The following WNT11 variants were observed in gnomAD, a reference collection of about 807,000 sequenced individuals.
WNT11 encodes the protein Wnt family member 11.
A neutral mutation model predicts 35.6 loss-of-function variants in WNT11; 20 were observed. The ratio of observed to expected loss-of-function variants is 0.56; its 90% CI spans 0.40 to 0.82. The LOEUF (loss-of-function observed/expected upper bound fraction) is 0.82. Ranked by LOEUF, WNT11 falls within the 40% of genes least tolerant of loss-of-function variation. WNT11 has a pLI of 0.00. For synonymous variants in WNT11, 200 were observed against 211.9 expected (o/e 0.94, Z 0.49); for missense variants, 459 against 504.4 (o/e 0.91, Z 0.86).
intron 1 of WNT11, among the ~76,000 whole-genome samples, chr11:76,204,128 C>CATATAT (rs1388118811): frequency 1.3e-5 from 2 of 152,142 alleles, no homozygotes; most frequent in Non-Finnish European, 2.9e-5. Context: ...TGTGTGTAGA[C>CATATAT]ATATATGTAC....
At chr11:76,195,428 G>A (rs1953266457) in intron 2 of WNT11, among the ~76,000 whole-genome samples, 1 of 152,252 alleles carries the variant, frequency 6.6e-6, no homozygotes, top group South Asian at 2.1e-4. Flanking sequence ...GACAGAGGCA[G>A]AGACCGCAGT....
In WNT11 at chr11:76,194,008, G is replaced by A. The variant is rs1360302060; in HGVS notation, c.597+559C>T. On this transcript the variant is annotated intron_variant, in intron 3 of 4. Transcript: ENST00000322563. This position sits in a 1 kb window ranked among gnomAD's most constrained non-coding sequence, Gnocchi z 5.4. ...ACCCCAGTCTTTTGGGCAGTGAGGT[G>A]AGGAATGAATGAAAACCTGATAATA... 6.6e-6 allele frequency among the ~76,000 whole-genome samples: 1 copy of A among 152,146 alleles called. No homozygotes were observed. The highest frequency in any genetic ancestry group is 1.5e-5 in the Non-Finnish European group (1 of 68,026).
At chr11:76,204,136 T>C (rs530922746) in intron 1 of WNT11, among the ~76,000 whole-genome samples, 2 of 152,300 alleles carry the variant, frequency 1.3e-5, no homozygotes, top group South Asian at 4.1e-4. Context: ...GACATATATG[T>C]ACATATACAT....
At chr11:76,195,179 G>A in intron 2 of WNT11, 1 of 349,390 alleles carries the variant, frequency 2.9e-6, no homozygotes, top group Non-Finnish European at 5.2e-6. Context: ...TGATGCGCCA[G>A]ACAAATGCAC....
At chr11:76,195,220 C>T in intron 2 of WNT11, 1 of 275,900 alleles carries the variant, frequency 3.6e-6, no homozygotes, top group Admixed American at 4.7e-5. Context: ...ACCTGTGTCC[C>T]CCCGAAGGAT....
In WNT11 at chr11:76,194,427, G is replaced by C. The variant is rs1256764468; in HGVS notation, c.597+140C>G. 10 of 1,018,204 alleles carry C rather than the reference G, an allele frequency of 9.8e-6. No individual in the cohort carries two copies. Among genetic ancestry groups the C allele is most frequent in the East Asian group, 5.3e-5 (2 of 37,864 alleles). The allele number at this position is 1,018,204 out of a possible 1,614,324, so 63.1% of individuals were successfully genotyped here. ...CTGGCGAGGGAAGGGCTGAGGATGA[G>C]GATGGTGCGAGGCACATCAGGTGTG... On this transcript the variant is annotated intron_variant, in intron 3 of 4. Coordinates refer to ENST00000322563, the MANE Select transcript of WNT11 (RefSeq NM_004626.3). The surrounding 1 kb of genome is among the most constrained non-coding windows in gnomAD (Gnocchi z 5.4).
At position 76,194,476 on chromosome 11, in the gene WNT11, G is replaced by T; in HGVS notation, c.597+91C>A. 7.0e-7 allele frequency: 1 copy of T among 1,421,750 alleles called. No homozygotes were observed. Among genetic ancestry groups the T allele is most frequent in the Non-Finnish European group, 9.3e-7 (1 of 1,077,226 alleles). The allele number at this position is 1,421,750 out of a possible 1,614,324, so 88.1% of individuals were successfully genotyped here. A position where few individuals can be genotyped will look rare whatever the true frequency, so the allele number is the denominator to read the frequency against. On this transcript the variant is annotated intron_variant, in intron 3 of 4. Transcript: ENST00000322563. The surrounding 1 kb of genome is among the most constrained non-coding windows in gnomAD (Gnocchi z 5.4). Reference sequence around the variant, plus strand: ...TGGGCCAGTCAGGGCCCGTCCCCCCGCACCCCCCACCACTGGGGCAAGCTG... The same window carrying T: ...TGGGCCAGTCAGGGCCCGTCCCCCCTCACCCCCCACCACTGGGGCAAGCTG...
Position 76,194,345 on chromosome 11 carries a change from A to G in WNT11, c.597+222T>C, listed in dbSNP as rs540898584. ...CTAGTTCAGTGCTCCCTCTGCTTGGACAACCCAAACCCCAGTGGACGCCTT... is the reference window on the plus strand; with the variant it reads ...CTAGTTCAGTGCTCCCTCTGCTTGGGCAACCCAAACCCCAGTGGACGCCTT... On this transcript the variant is annotated intron_variant, in intron 3 of 4. Transcript: ENST00000322563. This position sits in a 1 kb window ranked among gnomAD's most constrained non-coding sequence, Gnocchi z 5.4. 5.3e-5 allele frequency among the ~76,000 whole-genome samples: 8 copies of G among 152,022 alleles called. No individual in the cohort carries two copies. The South Asian group carries it at 1.7e-3, about 32-fold the overall frequency.
intron 1 of WNT11, among the ~76,000 whole-genome samples, chr11:76,205,693 C>A (rs1953461102): frequency 6.6e-6 from 1 of 152,218 alleles, no homozygotes; most frequent in Non-Finnish European, 1.5e-5. Context: ...CCCTTCAGCT[C>A]GGCACCAAGC....
At chr11:76,189,483 T>A (rs1533763) in intron 4 of WNT11, among the ~76,000 whole-genome samples, 31,090 of 152,152 alleles carry the variant, frequency 0.2, 3,537 homozygotes, top group African/African-American at 0.28. Context: ...TGGAATATTG[T>A]CTGCAGATTA....
intron 4 of WNT11, among the ~76,000 whole-genome samples, chr11:76,190,431 T>C (rs995314301): frequency 1.3e-5 from 2 of 151,988 alleles, no homozygotes; most frequent in Non-Finnish European, 2.9e-5. Context: ...ACCCCCTCAA[T>C]CTGGCCTCCA....
At chr11:76,206,510 G>A (rs1953477959), upstream of WNT11, 1 of 1,242,488 alleles carries the variant, frequency 8.0e-7, no homozygotes, top group East Asian at 3.3e-5. Context: ...TGCAGCCGGG[G>A]AGAGCGGAGG....
In WNT11 at chr11:76,191,734, T is replaced by C; in HGVS notation, c.720A>G (p.Arg240=). 6.2e-7 allele frequency: 1 copy of C among 1,613,740 alleles called. No individual in the cohort carries two copies. Among genetic ancestry groups the C allele is most frequent in the African/African-American group, 1.3e-5 (1 of 75,052 alleles). Residue 240 remains arginine, a synonymous_variant, in exon 4 of 5, where the codon CGA becomes CGG. Transcript: ENST00000322563. ...LQDVAADLKT[R]YLSATKVVHR... Reference sequence around the variant, plus strand: ...GCACTACCTTGGTGGCCGACAGGTATCGGGTCTTGAGGTCAGCAGCCACAT... The same window carrying C: ...GCACTACCTTGGTGGCCGACAGGTACCGGGTCTTGAGGTCAGCAGCCACAT...
intron 4 of WNT11, 89 bp from the exon 5 acceptor site, chr11:76,187,328 T>C: frequency 1.5e-6 from 2 of 1,325,002 alleles, no homozygotes; most frequent in South Asian, 3.5e-5. Context: ...GCCGGCAGCG[T>C]CTCCCATGGC....
chr11:76,192,806 CT>C (rs1953206350), intron 3 of WNT11, among the ~76,000 whole-genome samples: 2 of 152,196 alleles, frequency 1.3e-5, no homozygotes, highest in African/African-American at 4.8e-5. Context: ...CCAGTTCTGC[CT>C]TTTAAACCCT....
chr11:76,206,277 C>T (rs546805206), intron 1 of WNT11, 48 bp downstream of exon 1: 3 of 1,382,002 alleles, frequency 2.2e-6, no homozygotes, highest in South Asian at 3.2e-5. Context: ...ACGCCCTCCG[C>T]CGCCCCAGTC....
At chr11:76,196,415 C>T in intron 2 of WNT11, 68 bp downstream of exon 2, 1 of 1,571,550 alleles carries the variant, frequency 6.4e-7, no homozygotes, top group Non-Finnish European at 8.7e-7. Flanking sequence ...CATCTAAACA[C>T]ACACAGATTG....
Position 76,206,350 on chromosome 11 carries a change from C to T in WNT11, c.58G>A (p.Gly20Ser). 6.4e-7 allele frequency: 1 copy of T among 1,573,014 alleles called. No individual in the cohort carries two copies. Among genetic ancestry groups the T allele is most frequent in the South Asian group, 1.2e-5 (1 of 85,046 alleles). The change falls in exon 1 of 5, where the codon GGC (glycine) becomes AGC (serine). Residue 20 changes from glycine (G) to serine (S), a missense_variant. Transcript: ENST00000322563. ...ALLFALALQTGVCYGIKWLAL... is the reference protein window; with the variant it reads ...ALLFALALQTSVCYGIKWLAL... ...AGCCACTTGATGCCATAGCACACGC[C>T]GGTCTGGAGCGCCAGGGCGAAGAGC...
chr11:76,209,416 G>C (rs1056170551), upstream of WNT11, among the ~76,000 whole-genome samples: 1 of 152,128 alleles, frequency 6.6e-6, no homozygotes, highest in Non-Finnish European at 1.5e-5. Context: ...GGACTTGCGG[G>C]GTCCCCCCTA....
Sources: allele counts gnomAD v4.1 joint callset (sites outside exome capture counted in the v4.1 genomes callset), GRCh38; gene constraint gnomAD v4.1.1; non-coding constraint Gnocchi (gnomAD v3.1); transcripts MANE v1.5; gene names NCBI Gene and HGNC (gene_info 2026-07-23, HGNC 2026-07-21).